Variants in ZNF804A observed in about 807,000 individuals in gnomAD.
ZNF804A encodes zinc finger protein 804A.
Under a neutral mutation model 16.5 loss-of-function variants are expected in ZNF804A, and 2 were observed. The observed-to-expected ratio is 0.12, with a 90% confidence interval of 0.05 to 0.38. The LOEUF is 0.38. Among genes scored for constraint, ZNF804A ranks in the 10% least tolerant of loss-of-function variants. The pLI, the probability that ZNF804A is intolerant of heterozygous loss-of-function variation, is 0.99. For synonymous variants in ZNF804A, 534 were observed against 489.6 expected, an observed-to-expected ratio of 1.09 and a Z score of -1.20; for missense variants, 1,473 against 1,390.7, an observed-to-expected ratio of 1.06 and a Z score of -0.94.
At chr2:184,836,685 A>G (rs371382842) in intron 1 of ZNF804A, among the ~76,000 whole-genome samples, 3 of 109,550 alleles carry the variant, frequency 2.7e-5, no homozygotes, top group South Asian at 2.5e-4. Flanking sequence ...GTGTGTGTGT[A>G]TATATATATA....
At chr2:184,933,537 C>A in intron 2 of ZNF804A, 66 bp from the exon 3 acceptor site, 1 of 1,462,192 alleles carries the variant, frequency 6.8e-7, no homozygotes, top group South Asian at 1.4e-5. Context: ...TCAACAATAA[C>A]AATGAAACTT....
intron 1 of ZNF804A, among the ~76,000 whole-genome samples, chr2:184,776,165 G>A (rs150179909): frequency 9.4e-4 from 142 of 151,522 alleles, no homozygotes; most frequent in African/African-American, 3.3e-3. Context: ...AATAAAAATC[G>A]AGGAAATATG....
At chr2:184,678,175 A>G (rs1209914456) in intron 1 of ZNF804A, among the ~76,000 whole-genome samples, 1 of 152,096 alleles carries the variant, frequency 6.6e-6, no homozygotes, top group East Asian at 1.9e-4. Flanking sequence ...TTTCGAGAGC[A>G]TTATTTCTTT....
At chr2:184,844,275 A>C (rs1046375845) in intron 1 of ZNF804A, among the ~76,000 whole-genome samples, 2 of 151,970 alleles carry the variant, frequency 1.3e-5, no homozygotes, top group African/African-American at 4.8e-5. Flanking sequence ...AACAAAGTTA[A>C]TTTTTGGATC....
intron 1 of ZNF804A, among the ~76,000 whole-genome samples, chr2:184,663,795 T>A (rs1293011004): frequency 2.0e-5 from 3 of 152,146 alleles, no homozygotes; most frequent in African/African-American, 7.2e-5. Flanking sequence ...TAGGCAGACA[T>A]CACAAATAGA....
intron 1 of ZNF804A, among the ~76,000 whole-genome samples, chr2:184,813,400 G>A (rs1451041359): frequency 6.6e-6 from 1 of 152,004 alleles, no homozygotes; most frequent in African/African-American, 2.4e-5. Flanking sequence ...GGAGAATTAG[G>A]GTTTGAGCTG....
intron 1 of ZNF804A, among the ~76,000 whole-genome samples, chr2:184,633,431 A>T (rs2105688127): frequency 6.6e-6 from 1 of 152,306 alleles, no homozygotes; most frequent in East Asian, 1.9e-4. Flanking sequence ...AGGCACATTA[A>T]ACCACAACAC....
At chr2:184,806,607 T>C (rs1020812117) in intron 1 of ZNF804A, among the ~76,000 whole-genome samples, 1 of 151,810 alleles carries the variant, frequency 6.6e-6, no homozygotes, top group African/African-American at 2.4e-5. Context: ...TTGTTTAATA[T>C]ACAGTCACAT....
At chr2:184,683,080 CTTATTTGAATTGCAGCATGTATT>C (rs1439044158) in intron 1 of ZNF804A, among the ~76,000 whole-genome samples, 1 of 152,076 alleles carries the variant, frequency 6.6e-6, no homozygotes, top group African/African-American at 2.4e-5. Flanking sequence ...TTTTATTTTT[CTTATTTGAATTGCAGCATGTATT>C]TTATTTGAAT....
Position 184,933,696 on chromosome 2 carries a change from C to T in ZNF804A, c.349C>T (p.Leu117=), listed in dbSNP as rs777451394. The T allele has an allele frequency of 2.5e-6, 4 of 1,608,058 alleles. No individual in the cohort carries two copies. Among genetic ancestry groups the T allele is most frequent in the Non-Finnish European group, 2.5e-6 (3 of 1,178,180 alleles). Residue 117 remains leucine, a synonymous_variant, in exon 3 of 4, where the codon CTG becomes TTG. Transcript: ENST00000302277. ...AAAACAGGAAAAGGCACTCCAACGC[C>T]TGCACAAGCTGGCTGAGCTAAGAAA... ...ERKQEKALQR[L]HKLAELRKET...
intron 1 of ZNF804A, among the ~76,000 whole-genome samples, chr2:184,810,514 G>T (rs371602151): frequency 8.8e-4 from 105 of 119,902 alleles, no homozygotes; most frequent in African/African-American, 3.3e-3. Flanking sequence ...TTTTTGAGAC[G>T]GAGTCTCACT....
intron 1 of ZNF804A, among the ~76,000 whole-genome samples, chr2:184,627,996 C>A (rs1691532791): frequency 6.6e-6 from 1 of 152,068 alleles, no homozygotes; most frequent in South Asian, 2.1e-4. Context: ...AACAAAAGAA[C>A]AAAATTTAGT....
chr2:184,759,294 G>A (rs1559143283), intron 1 of ZNF804A, among the ~76,000 whole-genome samples: 1 of 151,538 alleles, frequency 6.6e-6, no homozygotes, highest in Non-Finnish European at 1.5e-5. Context: ...ATGGATCCTG[G>A]ATTGAAATCT....
chr2:184,892,390 T>C (rs1005458038), intron 2 of ZNF804A, among the ~76,000 whole-genome samples: 3 of 151,772 alleles, frequency 2.0e-5, no homozygotes, highest in Non-Finnish European at 4.4e-5. Flanking sequence ...AAAGACTGTG[T>C]GGGCTCAATG....
At chr2:184,752,480 G>A (rs541102573) in intron 1 of ZNF804A, among the ~76,000 whole-genome samples, 14 of 151,472 alleles carry the variant, frequency 9.2e-5, no homozygotes, top group Non-Finnish European at 1.8e-4. Context: ...ACTCCAAAAT[G>A]TGGGGGATAG....
chr2:184,811,460 C>G (rs1241351557), intron 1 of ZNF804A, among the ~76,000 whole-genome samples: 1 of 109,578 alleles, frequency 9.1e-6, no homozygotes. Flanking sequence ...TATTAGATAC[C>G]TAGGATAGAA....
intron 2 of ZNF804A, among the ~76,000 whole-genome samples, chr2:184,908,830 G>A (rs1685317700): frequency 1.3e-5 from 2 of 152,052 alleles, no homozygotes; most frequent in Non-Finnish European, 2.9e-5. Context: ...TTGCTACTCT[G>A]TTATTTCAGT....
At chr2:184,765,535 C>G (rs568300867) in intron 1 of ZNF804A, among the ~76,000 whole-genome samples, 1 of 152,048 alleles carries the variant, frequency 6.6e-6, no homozygotes, top group East Asian at 1.9e-4. Context: ...GATCTAATTA[C>G]CGGTGGGTGC....
At chr2:184,760,612 G>C (rs560402433) in intron 1 of ZNF804A, among the ~76,000 whole-genome samples, 3 of 152,154 alleles carry the variant, frequency 2.0e-5, no homozygotes, top group Admixed American at 6.6e-5. Flanking sequence ...CATGACAAAG[G>C]TAACAAGAAG....
Sources: allele counts gnomAD v4.1 joint callset (sites outside exome capture counted in the v4.1 genomes callset), GRCh38; gene constraint gnomAD v4.1.1; transcripts MANE v1.5; gene names NCBI Gene and HGNC (gene_info 2026-07-23, HGNC 2026-07-21).